The following XRN2 variants were observed in gnomAD, a reference collection of about 807,000 sequenced individuals.
XRN2 encodes the protein 5'-3' exoribonuclease 2.
Under a neutral mutation model 138.5 loss-of-function variants are expected in XRN2, and 44 were observed. The ratio of observed to expected loss-of-function variants is 0.32; its 90% CI spans 0.25 to 0.41. XRN2 has a LOEUF of 0.41. Among genes scored for constraint, XRN2 ranks in the 10% least tolerant of loss-of-function variants. The pLI, the probability that XRN2 is intolerant of heterozygous loss-of-function variation, is 1.00. For synonymous variants in XRN2, 354 were observed against 369.4 expected (o/e 0.96, Z 0.48); for missense variants, 937 against 1,169.3 (o/e 0.80, Z 2.90).
intron 1 of XRN2, 170 bp downstream of exon 1, chr20:21,303,643 GATTCAGCACCCCGGGGGCGAGGA>G: frequency 7.4e-7 from 1 of 1,349,920 alleles, no homozygotes; most frequent in Non-Finnish European, 9.4e-7. Context: ...CGGGCTGTGG[GATTCAGCACCCCGGGGGCGAGGA>G]ATTCAGGACC....
In XRN2 at chr20:21,332,349, A is replaced by C. The variant is rs1239907301; in HGVS notation, c.767A>C (p.Lys256Thr). The C allele has an allele frequency of 6.2e-7, 1 of 1,613,856 alleles. No homozygotes were observed. Among genetic ancestry groups the C allele is most frequent in the African/African-American group, 1.3e-5 (1 of 74,916 alleles). Residue 256 changes from lysine to threonine, a missense_variant, in exon 9 of 30, where the codon AAA (lysine) becomes ACA (threonine). By Grantham distance (78) the Lys-to-Thr change is moderately conservative (BLOSUM62 -1). Coordinates refer to ENST00000377191, the MANE Select transcript of XRN2 (RefSeq NM_012255.5). ...PNFTIIREEFKPNKPKPCGLC... is the reference protein window; with the variant it reads ...PNFTIIREEFTPNKPKPCGLC... ...TTTACCATTATTAGAGAAGAATTCAAACCAAACAAGCCCAAACCATGTGGT... is the reference window on the plus strand; with the variant it reads ...TTTACCATTATTAGAGAAGAATTCACACCAAACAAGCCCAAACCATGTGGT...
In XRN2 at chr20:21,366,991, T is replaced by C. The variant is rs909899853; in HGVS notation, c.2456+1287T>C. On this transcript the variant is annotated intron_variant, in intron 26 of 29. Coordinates refer to ENST00000377191, the MANE Select transcript of XRN2 (RefSeq NM_012255.5). ...AAAGTTTTAGCTGAATTAATTAATG[T>C]ATGATGGAGACTCTTTTTCAAGTGT... 1.2e-4 allele frequency among the ~76,000 whole-genome samples: 19 copies of C among 152,224 alleles called. 1 individual carries two copies. The highest frequency in any genetic ancestry group is 4.4e-5 in the Non-Finnish European group (3 of 68,032).
chr20:21,386,434 C>G (rs946341747), intron 28 of XRN2, among the ~76,000 whole-genome samples: 3 of 152,210 alleles, frequency 2.0e-5, no homozygotes, highest in Non-Finnish European at 4.4e-5. Flanking sequence ...CATTTGCAAC[C>G]TGCAATTAAG....
Position 21,357,810 on chromosome 20 carries a change from C to T in XRN2, c.2255+18C>T. 6.3e-7 allele frequency: 1 copy of T among 1,595,846 alleles called. No homozygotes were observed. The highest frequency in any genetic ancestry group is 1.3e-5 in the African/African-American group (1 of 74,534). On this transcript the variant is annotated intron_variant, in intron 24 of 29. Transcript: ENST00000377191. ...GTAGTCAGGTAAGTTTTCCAAAATT[C>T]ATGGCATTCACCCAGAACACAGCTC...
At chr20:21,320,096 TAGCAATAATTCTCTC>T (rs2038016939) in intron 1 of XRN2, among the ~76,000 whole-genome samples, 1 of 152,124 alleles carries the variant, frequency 6.6e-6, no homozygotes, top group South Asian at 2.1e-4. Flanking sequence ...TGTGGTCTGT[TAGCAATAATTCTCTC>T]AGCTTTTTAT....
At chr20:21,356,211 CT>C in intron 22 of XRN2, 34 bp downstream of exon 22, 1 of 1,546,512 alleles carries the variant, frequency 6.5e-7, no homozygotes. Flanking sequence ...TAGAAATGCA[CT>C]TTTTAAAATT....
At chr20:21,366,187 T>A (rs1165926159) in intron 26 of XRN2, among the ~76,000 whole-genome samples, 1 of 128,226 alleles carries the variant, frequency 7.8e-6, no homozygotes, top group Non-Finnish European at 1.6e-5. Flanking sequence ...TAAATATATA[T>A]TATATTTATA....
rs59239603 is a variant in XRN2, at chr20:21,375,829, T to TATTTATTTA, written c.2585-6165_2585-6164insATTTATTTA. Among the ~76,000 whole-genome samples, 869 of 135,964 alleles carry TATTTATTTA rather than the reference T, an allele frequency of 6.4e-3. 9 individuals are homozygous for TATTTATTTA. The highest frequency in any genetic ancestry group is 0.028 in the East Asian group (131 of 4,656). The allele number at this position is 135,964 out of a possible 152,430, so 89.2% of individuals were successfully genotyped here. A position where few individuals can be genotyped will look rare whatever the true frequency, so the allele number is the denominator to read the frequency against. The stretch of plus-strand genomic sequence containing the variant: ...AGGTGTTTTTATTTATTTATTTATT[T>TATTTATTTA]TTTATTTATTTATTTATTTATTTAT... On this transcript the variant is annotated intron_variant, in intron 27 of 29. Transcript: ENST00000377191.
At chr20:21,347,076 G>C (rs1007043972) in intron 17 of XRN2, among the ~76,000 whole-genome samples, 1 of 152,146 alleles carries the variant, frequency 6.6e-6, no homozygotes, top group South Asian at 2.1e-4. Flanking sequence ...GCTAATTTTT[G>C]TTAAAAGTAT....
chr20:21,374,235 T>C (rs900467424), intron 27 of XRN2, among the ~76,000 whole-genome samples: 1 of 152,230 alleles, frequency 6.6e-6, no homozygotes, highest in Non-Finnish European at 1.5e-5. Context: ...TTGAAATCTT[T>C]TTGTGTACAC....
chr20:21,377,562 T>TG (rs957608111), intron 27 of XRN2, among the ~76,000 whole-genome samples: 7 of 88 alleles, frequency 0.08, no homozygotes, highest in South Asian at 0.5. Flanking sequence ...CCGGCCTGTG[T>TG]TTTTTTTTTT....
At chr20:21,319,346 CTTTT>C (rs901232456) in intron 1 of XRN2, among the ~76,000 whole-genome samples, 1 of 152,038 alleles carries the variant, frequency 6.6e-6, no homozygotes, top group African/African-American at 2.4e-5. Flanking sequence ...GACAAGCTAC[CTTTT>C]TGTTGGATTG....
intron 26 of XRN2, 134 bp from the exon 27 acceptor site, chr20:21,368,329 T>A (rs891415240): frequency 5.3e-5 from 57 of 1,076,178 alleles, no homozygotes; most frequent in Non-Finnish European, 6.2e-5. Flanking sequence ...ATAAACCACC[T>A]TTTTGTTTGT....
intron 13 of XRN2, among the ~76,000 whole-genome samples, chr20:21,335,329 AT>A (rs1321325452): frequency 6.6e-6 from 1 of 152,216 alleles, no homozygotes; most frequent in Non-Finnish European, 1.5e-5. Flanking sequence ...TCAGAAACTG[AT>A]TTTATAAAAG....
intron 20 of XRN2, among the ~76,000 whole-genome samples, chr20:21,352,584 G>A (rs1464895804): frequency 6.6e-6 from 1 of 152,154 alleles, no homozygotes; most frequent in Non-Finnish European, 1.5e-5. Flanking sequence ...GCCCACCTCA[G>A]CCTCCCAAAG....
intron 1 of XRN2, among the ~76,000 whole-genome samples, chr20:21,304,011 C>G (rs2037779429): frequency 6.6e-6 from 1 of 152,220 alleles, no homozygotes; most frequent in Admixed American, 6.5e-5. Context: ...AGATTGGACG[C>G]TGAAAGCAGT....
intron 24 of XRN2, among the ~76,000 whole-genome samples, chr20:21,362,802 T>C (rs560383313): frequency 2.6e-5 from 4 of 152,348 alleles, no homozygotes; most frequent in Admixed American, 6.5e-5. Flanking sequence ...ATCTGTTGTA[T>C]GTATCAGATT....
chr20:21,326,251 A>AC (rs1555783859), intron 1 of XRN2, 28 bp from the exon 2 acceptor site: 1 of 1,605,666 alleles, frequency 6.2e-7, no homozygotes, highest in Non-Finnish European at 8.5e-7. Flanking sequence ...GAACAATCAA[A>AC]CTACTATTAA....
intron 15 of XRN2, among the ~76,000 whole-genome samples, chr20:21,341,579 T>C (rs150570759): frequency 6.6e-6 from 1 of 152,260 alleles, no homozygotes; most frequent in African/African-American, 2.4e-5. Context: ...GACCATGAGC[T>C]CTCAGAATAC....
Sources: gnomAD v4.1 joint callset for allele counts (sites outside exome capture counted in the v4.1 genomes callset) on GRCh38, gnomAD v4.1.1 for gene constraint, MANE v1.5 for transcripts, NCBI Gene and HGNC (gene_info 2026-07-23, HGNC 2026-07-21) for gene names.